The following DNAH12 variants were observed in gnomAD, a reference collection of about 807,000 sequenced individuals.
DNAH12 encodes the protein dynein axonemal heavy chain 12.
Under a neutral mutation model 371.5 loss-of-function variants are expected in DNAH12, and 285 were observed. That is an observed-to-expected ratio of 0.77 (90% confidence interval 0.70 to 0.85). The LOEUF (loss-of-function observed/expected upper bound fraction) is 0.85, where lower values mean the gene tolerates loss of function less well. Ranked by LOEUF, DNAH12 falls within the 40% of genes least tolerant of loss-of-function variation. The pLI is 0.00. For synonymous variants in DNAH12, 1,200 were observed against 1,213.0 expected, an observed-to-expected ratio of 0.99 and a Z score of 0.22; for missense variants, 3,611 against 3,689.4, an observed-to-expected ratio of 0.98 and a Z score of 0.55.
At chr3:57,410,979 C>T (rs2064183389) in intron 39 of DNAH12, among the ~76,000 whole-genome samples, 1 of 151,934 alleles carries the variant, frequency 6.6e-6, no homozygotes, top group African/African-American at 2.4e-5. Context: ...AAAAATGTCC[C>T]CTCTCATGAC....
intron 43 of DNAH12, among the ~76,000 whole-genome samples, chr3:57,396,304 A>AAAAAAAAAAAAAAAC (rs2063740130): frequency 7.0e-6 from 1 of 141,958 alleles, no homozygotes; most frequent in East Asian, 2.2e-4. Flanking sequence ...AAAAAAAAAA[A>AAAAAAAAAAAAAAAC]AAAAAAGAGA....
Position 57,454,848 on chromosome 3 carries a change from C to T in DNAH12, c.3383G>A (p.Gly1128Asp), listed in dbSNP as rs2065858902. Residue 1128 changes from glycine to aspartate, a missense_variant, in exon 23 of 74, where the codon GGC becomes GAC. Coordinates refer to ENST00000495027, the MANE Select transcript of DNAH12 (RefSeq NM_001366028.2). Reference protein sequence around the residue: ...ARRDWVREWPGQVVLCISQMF... With the variant: ...ARRDWVREWPDQVVLCISQMF... Reference sequence around the variant, plus strand: ...TTGAGAAATACAAAGTACAACTTGGCCAGGCCACTCTCGAACCCAGTCTCT... The same window carrying T: ...TTGAGAAATACAAAGTACAACTTGGTCAGGCCACTCTCGAACCCAGTCTCT... 6.4e-7 allele frequency: 1 copy of T among 1,551,112 alleles called. No individual in the cohort carries two copies.
At position 57,429,700 on chromosome 3, in the gene DNAH12, G is replaced by C; in HGVS notation, c.5055C>G (p.Ser1685=). 1.3e-6 allele frequency: 2 copies of C among 1,535,268 alleles called. No individual in the cohort carries two copies. The highest frequency in any genetic ancestry group is 1.8e-6 in the Non-Finnish European group (2 of 1,141,408). The part of the protein sequence containing the change: ...MSLIFETMDL[S]QASPATVSRC... ...TAAATTATGAACTTACGGATGCCTG[G>C]GAAAGGTCCATTGTTTCAAAGATGA... Residue 1685 remains serine (S), a synonymous_variant, in exon 33 of 74, where the codon TCC becomes TCG. Transcript: ENST00000495027.
At position 57,483,356 on chromosome 3, in the gene DNAH12, T is replaced by C. The variant is rs960989405; in HGVS notation, c.1650+20A>G. ...TTCACAATGAAAACAAACCAAAATA[T>C]GCAAATTAAAATTCCTTACCTGGAT... is the stretch of plus-strand genomic sequence containing the variant. On this transcript the variant is annotated intron_variant, in intron 13 of 73. Transcript: ENST00000495027. The C allele has an allele frequency of 1.7e-5, 26 of 1,540,056 alleles. No individual in the cohort carries two copies. The highest frequency in any genetic ancestry group is 2.1e-5 in the Admixed American group (1 of 46,876).
Position 57,392,128 on chromosome 3 carries a change from G to A in DNAH12, c.7111-62C>T, listed in dbSNP as rs1012371718. On this transcript the variant is annotated intron_variant, in intron 44 of 73. Transcript: ENST00000495027. ...AAATAGATGAGCTGGTAATGAGATT[G>A]GTGGATATTAGAATATGAAGAAGTT... 13 of 151,238 alleles carry A rather than the reference G, an allele frequency of 8.6e-5. No individual in the cohort carries two copies. In the East Asian group the frequency reaches 2.5e-3, roughly 30 times the overall value. 9.4% of individuals were successfully genotyped at this position (151,238 alleles called of 1,614,324 possible). A position where few individuals can be genotyped will look rare whatever the true frequency, so the allele number is the denominator to read the frequency against.
chr3:57,502,260 G>T, intron 10 of DNAH12, 63 bp downstream of exon 10: 2 of 1,590,766 alleles, frequency 1.3e-6, no homozygotes, highest in South Asian at 2.3e-5. Flanking sequence ...ACAAACATCT[G>T]ACCAAATTCT....
At chr3:57,420,205 A>G (rs1382642729) in intron 36 of DNAH12, among the ~76,000 whole-genome samples, 2 of 152,014 alleles carry the variant, frequency 1.3e-5, no homozygotes, top group African/African-American at 4.8e-5. Flanking sequence ...CCCAACCATT[A>G]TCTTCTTCTG....
Position 57,542,812 on chromosome 3 carries a change from A to G in DNAH12, c.59T>C (p.Leu20Ser). The G allele has an allele frequency of 6.2e-7, 1 of 1,608,522 alleles. No individual in the cohort carries two copies. Among genetic ancestry groups the G allele is most frequent in the Middle Eastern group, 1.7e-4 (1 of 6,048 alleles). ...AAEKEALNLK[L>S]PPIVHLPENI... Reference sequence around the variant, plus strand: ...TTCTGGGAGATGGACAATGGGGGGTAACTTCAAGTTCAGAGCTTCCTTTTC... The same window carrying G: ...TTCTGGGAGATGGACAATGGGGGGTGACTTCAAGTTCAGAGCTTCCTTTTC... Residue 20 changes from leucine (L) to serine (S), a missense_variant, in exon 2 of 74, where the codon TTA becomes TCA. By Grantham distance (145) the Leu-to-Ser change is moderately radical (BLOSUM62 -2). Around this residue, in one of 3 missense-constraint regions of DNAH12, gnomAD observed 1,314 missense variants for 1,398.7 expected, o/e 0.94. Coordinates refer to ENST00000495027, the MANE Select transcript of DNAH12 (RefSeq NM_001366028.2).
chr3:57,337,830 T>C (rs985308431), intron 60 of DNAH12, among the ~76,000 whole-genome samples: 1 of 151,998 alleles, frequency 6.6e-6, no homozygotes, highest in Non-Finnish European at 1.5e-5. Context: ...AGACAGAAAG[T>C]CAACAAAGAA....
In DNAH12 at chr3:57,293,875, G is replaced by C. The variant is rs2061172568; in HGVS notation, c.11789C>G (p.Thr3930Ser). ...TAACAACATTGCAATGACAAAGTTA[G>C]TAGAATGTCCCGTAGTGGAAAGAGT... is the stretch of plus-strand genomic sequence containing the variant. The part of the protein sequence containing the change: ...KGTLSTTGHS[T>S]NFVIAMLLKT... The change falls in exon 74 of 74, where the codon ACT (threonine) becomes AGT (serine). Residue 3930 changes from threonine (T) to serine (S), a missense_variant. Physicochemically the swap from Thr to Ser is moderately conservative, Grantham distance 58 (BLOSUM62 1). Transcript: ENST00000495027. 1 of 1,549,634 alleles carries C rather than the reference G, an allele frequency of 6.5e-7. No homozygotes were observed. Among genetic ancestry groups the C allele is most frequent in the African/African-American group, 1.4e-5 (1 of 72,856 alleles).
chr3:57,535,739 T>C (rs1392838065), intron 2 of DNAH12, among the ~76,000 whole-genome samples: 2 of 151,600 alleles, frequency 1.3e-5, no homozygotes, highest in South Asian at 4.2e-4. Flanking sequence ...ATGGGGTTTC[T>C]CCATGTCGGT....
At chr3:57,444,905 A>G in intron 28 of DNAH12, 89 bp from the exon 29 acceptor site, 1 of 978,938 alleles carries the variant, frequency 1.0e-6, no homozygotes, top group Non-Finnish European at 1.3e-6. Context: ...GGCCTGCCCC[A>G]CCCCACCCCC....
intron 13 of DNAH12, among the ~76,000 whole-genome samples, chr3:57,473,900 G>T (rs1010982351): frequency 2.6e-5 from 4 of 152,156 alleles, no homozygotes; most frequent in African/African-American, 9.7e-5. Context: ...AAAAAAGCAT[G>T]TAGTGAAATT....
At chr3:57,401,103 TA>T (rs2063847496) in intron 43 of DNAH12, among the ~76,000 whole-genome samples, 1 of 152,158 alleles carries the variant, frequency 6.6e-6, no homozygotes, top group East Asian at 1.9e-4. Context: ...ACTGTTAATT[TA>T]ATTGTTAAAC....
chr3:57,555,930 C>T, the DNAH12 span, among the ~76,000 whole-genome samples: 459 of 152,368 alleles, frequency 3.0e-3, 1 homozygote, highest in Non-Finnish European at 5.2e-3. Flanking sequence ...GTGGAGGCCT[C>T]CACGTCCTAG....
intron 29 of DNAH12, among the ~76,000 whole-genome samples, chr3:57,442,282 C>CTTTT (rs11335744): frequency 1.2e-3 from 184 of 149,266 alleles, no homozygotes; most frequent in African/African-American, 4.2e-3. Flanking sequence ...GCGTAAGAGG[C>CTTTT]TTTTTTTTTT....
intron 69 of DNAH12, among the ~76,000 whole-genome samples, chr3:57,302,527 G>GTGTT: frequency 6.0e-5 from 1 of 16,714 alleles, no homozygotes; most frequent in South Asian, 3.0e-3. Flanking sequence ...AAGGCATCAG[G>GTGTT]TGTATATATA....
At chr3:57,461,175 GGGTC>G (rs2066043638) in intron 19 of DNAH12, among the ~76,000 whole-genome samples, 1 of 152,050 alleles carries the variant, frequency 6.6e-6, no homozygotes, top group South Asian at 2.1e-4. Context: ...ACAAAAAACA[GGGTC>G]TAGGTTTTCT....
intron 28 of DNAH12, 94 bp from the exon 29 acceptor site, chr3:57,444,910 AC>A: frequency 2.7e-5 from 24 of 887,216 alleles, no homozygotes; most frequent in Non-Finnish European, 3.3e-5. Context: ...GCCCCACCCC[AC>A]CCCCCTGGCT....
Sources: gnomAD v4.1 joint callset for allele counts (sites outside exome capture counted in the v4.1 genomes callset) on GRCh38, gnomAD v4.1.1 for gene constraint, gnomAD v4.1.1 regional missense constraint, MANE v1.5 for transcripts, NCBI Gene and HGNC (gene_info 2026-07-23, HGNC 2026-07-21) for gene names.